SOD2: variants seen among roughly 807,000 people sequenced by gnomAD.
SOD2 encodes the protein superoxide dismutase [Mn], mitochondrial.
A neutral mutation model predicts 27.0 loss-of-function variants in SOD2; 11 were observed. The ratio of observed to expected loss-of-function variants is 0.41; its 90% CI spans 0.26 to 0.67. SOD2 has a LOEUF of 0.67. Ranked by LOEUF, SOD2 falls within the 30% of genes least tolerant of loss-of-function variation. The pLI is 0.34. For missense variants in SOD2, 250 were observed against 274.5 expected, an observed-to-expected ratio of 0.91 and a Z score of 0.63; for synonymous variants, 105 against 103.0, an observed-to-expected ratio of 1.02 and a Z score of -0.12.
chr6:159,736,307 G>GGTTTTGGGTTTTTTTGTTTT, intron 1 of SOD2: 1 of 1,596,074 alleles, frequency 6.3e-7, no homozygotes, highest in Non-Finnish European at 8.5e-7. Context: ...TATGGGTTTT[G>GGTTTTGGGTTTTTTTGTTTT]GTTTTGGGTT....
At chr6:159,733,889 C>T in intron 1 of SOD2, among the ~76,000 whole-genome samples, 1 of 152,166 alleles carries the variant, frequency 6.6e-6, no homozygotes, top group Non-Finnish European at 1.5e-5. Context: ...GCACTCCACC[C>T]CGGGCAACAA....
chr6:159,759,664 G>T (rs1321047227), intron 1 of SOD2, among the ~76,000 whole-genome samples: 1 of 144,272 alleles, frequency 6.9e-6, no homozygotes, highest in African/African-American at 2.6e-5. Flanking sequence ...AGCGAGCTCC[G>T]TCTCAAAAAA....
chr6:159,713,270 T>C, intron 1 of SOD2: 1 of 703,616 alleles, frequency 1.4e-6, no homozygotes, highest in Non-Finnish European at 2.5e-6. Flanking sequence ...ATAGTCATCA[T>C]AGCCTCTATA....
At position 159,739,706 on chromosome 6, in the gene SOD2, G is replaced by A. The variant is rs574262449; in HGVS notation, c.-116+5424C>T. On this transcript the variant is annotated intron_variant, in intron 1 of 3. Coordinates refer to the SOD2 transcript ENST00000537657. ...ATAAGTATTTTAACAGGCTGAAAGC[G>A]GAGGAGAGAAAAGATGTTTTGTGAG... Among the ~76,000 whole-genome samples, 12 of 152,170 alleles carry A rather than the reference G, an allele frequency of 7.9e-5. No individual in the cohort carries two copies. In the East Asian group the frequency reaches 2.1e-3, roughly 27 times the overall value.
chr6:159,727,627 G>GGGCCCGGGC (rs1778273384), upstream of SOD2: 3 of 986,096 alleles, frequency 3.0e-6, no homozygotes, highest in Non-Finnish European at 2.4e-6. Context: ...GTGGCCCGGG[G>GGGCCCGGGC]GGCCCGGGCG....
At chr6:159,685,140 A>G in intron 3 of SOD2, 107 bp from the exon 4 acceptor site, 1 of 657,802 alleles carries the variant, frequency 1.5e-6, no homozygotes, top group East Asian at 3.4e-5. Flanking sequence ...GGGCCCAAGA[A>G]ATTAGACAAC....
chr6:159,727,469 T>G (rs1179147463), upstream of SOD2: 20 of 956,728 alleles, frequency 2.1e-5, no homozygotes, highest in African/African-American at 4.2e-4. Context: ...AGCGGAGCCG[T>G]GCGGCGGGGC....
chr6:159,739,554 T>G lies in SOD2; in HGVS notation c.-116+5576A>C, dbSNP rs1346070766. 2.0e-5 allele frequency among the ~76,000 whole-genome samples: 3 copies of G among 152,250 alleles called. No homozygotes were observed. In the East Asian group the frequency reaches 5.8e-4, roughly 29 times the overall value. On this transcript the variant is annotated intron_variant, in intron 1 of 3. Transcript: ENST00000537657. ...CAAAAGCAGATTGTCAAGTACAACG[T>G]ATAATCTTTTTAGATTGTGTAAGAA... is the stretch of plus-strand genomic sequence containing the variant.
upstream of SOD2, among the ~76,000 whole-genome samples, chr6:159,693,671 C>G (rs992242478): frequency 5.3e-5 from 8 of 152,180 alleles, no homozygotes; most frequent in Non-Finnish European, 1.0e-4. Context: ...GCCGCGGGGT[C>G]CAGAGGCCTC....
chr6:159,669,896 T>C lies in SOD2; in HGVS notation c.*12597A>G, dbSNP rs1331602412. 6.6e-6 allele frequency: 1 copy of C among 152,206 alleles called. No individual in the cohort carries two copies. The highest frequency in any genetic ancestry group is 2.4e-5 in the African/African-American group (1 of 41,462). 9.4% of individuals were successfully genotyped at this position (152,206 alleles called of 1,614,324 possible). Reference sequence around the variant, plus strand: ...GTCGAGTCATGATGGTGGTTTTTAATCCATTCAGTCAATCTATATCTTTTA... The same window carrying C: ...GTCGAGTCATGATGGTGGTTTTTAACCCATTCAGTCAATCTATATCTTTTA... On this transcript the variant is annotated 3_prime_UTR_variant, in exon 5 of 5. Transcript: ENST00000538183.
chr6:159,698,300 AC>A (rs1179489031), intron 1 of SOD2, among the ~76,000 whole-genome samples: 6 of 133,618 alleles, frequency 4.5e-5, no homozygotes, highest in Admixed American at 3.8e-4. Flanking sequence ...CAAACAAAAA[AC>A]AAAACAAAAA....
chr6:159,742,903 A>G (rs1356370860), intron 1 of SOD2, among the ~76,000 whole-genome samples: 1 of 152,006 alleles, frequency 6.6e-6, no homozygotes, highest in Non-Finnish European at 1.5e-5. Context: ...AAAAAAAAAA[A>G]GAGTCAGGAG....
At chr6:159,726,656 A>G (rs1778182602) in intron 1 of SOD2, 3 of 688,414 alleles carry the variant, frequency 4.4e-6, no homozygotes, top group Non-Finnish European at 6.3e-6. Context: ...TAAACCTCAC[A>G]GGGCCGCCTT....
intron 1 of SOD2, among the ~76,000 whole-genome samples, chr6:159,738,361 C>T (rs1779047117): frequency 1.3e-5 from 2 of 151,874 alleles, no homozygotes; most frequent in African/African-American, 4.8e-5. Context: ...TATTTTTTTT[C>T]CTTCCACTTA....
chr6:159,706,682 C>A (rs1458226429), intron 1 of SOD2, among the ~76,000 whole-genome samples: 1 of 152,102 alleles, frequency 6.6e-6, no homozygotes, highest in South Asian at 2.1e-4. Context: ...GACTTTAACA[C>A]CCCACTGTCA....
chr6:159,741,865 A>G (rs1004219305), intron 1 of SOD2: 2 of 394,544 alleles, frequency 5.1e-6, no homozygotes, highest in African/African-American at 4.3e-5. Flanking sequence ...GCTATACAGG[A>G]AGCTGAGGCA....
At chr6:159,743,482 T>TATG (rs1185275822) in intron 1 of SOD2, among the ~76,000 whole-genome samples, 6 of 152,270 alleles carry the variant, frequency 3.9e-5, no homozygotes, top group Non-Finnish European at 7.3e-5. Context: ...CATGGAGCAC[T>TATG]ATGACACCAT....
chr6:159,697,034 GACACACACACACACACACACACAC>G (rs35334577), upstream of SOD2, among the ~76,000 whole-genome samples: 3 of 132,648 alleles, frequency 2.3e-5, no homozygotes, highest in Non-Finnish European at 3.2e-5. Flanking sequence ...AGGAGACCCT[GACACACACACACACACACACACAC>G]ACACACACAC....
chr6:159,700,878 A>G (rs1254213654), intron 1 of SOD2, among the ~76,000 whole-genome samples: 1 of 152,158 alleles, frequency 6.6e-6, no homozygotes, highest in Non-Finnish European at 1.5e-5. Context: ...ATTTAGGTTC[A>G]GTCTAAGCTT....
Sources: gnomAD v4.1 joint callset for allele counts (sites outside exome capture counted in the v4.1 genomes callset) on GRCh38, gnomAD v4.1.1 for gene constraint, MANE v1.5 for transcripts, NCBI Gene and HGNC (gene_info 2026-07-23, HGNC 2026-07-21) for gene names.